Variants in GMDS observed in about 807,000 individuals in gnomAD.
GMDS encodes the protein GDP-mannose 4,6-dehydratase.
A neutral mutation model predicts 49.9 loss-of-function variants in GMDS; 20 were observed. The observed-to-expected ratio is 0.40, with a 90% CI of 0.28 to 0.58. GMDS has a LOEUF of 0.58. GMDS is among the 20% of genes least tolerant of loss of function. The pLI is 0.42. For missense variants in GMDS, 362 were observed against 481.4 expected, an observed-to-expected ratio of 0.75 and a Z score of 2.32; for synonymous variants, 177 against 178.6, an observed-to-expected ratio of 0.99 and a Z score of 0.07.
At chr6:1,628,826 T>C (rs867951348) in intron 9 of GMDS, among the ~76,000 whole-genome samples, 7 of 152,234 alleles carry the variant, frequency 4.6e-5, no homozygotes, top group African/African-American at 1.7e-4. Flanking sequence ...GAATTTAAGA[T>C]ACAGAGCTGT....
At chr6:1,928,648 T>G (rs141958025) in intron 7 of GMDS, among the ~76,000 whole-genome samples, 2 of 152,164 alleles carry the variant, frequency 1.3e-5, no homozygotes, top group African/African-American at 4.8e-5. Context: ...AAATGCTTCT[T>G]TGTAATTATA....
At chr6:2,057,109 A>C (rs1770824086) in intron 4 of GMDS, among the ~76,000 whole-genome samples, 1 of 152,216 alleles carries the variant, frequency 6.6e-6, no homozygotes, top group South Asian at 2.1e-4. Context: ...CACCTCGGTG[A>C]CAAACACTGA....
At chr6:2,104,978 C>T (rs562489686) in intron 4 of GMDS, among the ~76,000 whole-genome samples, 21 of 151,974 alleles carry the variant, frequency 1.4e-4, no homozygotes, top group East Asian at 3.9e-4. Context: ...GTCAGGAGAT[C>T]GAGACCATCC....
intron 4 of GMDS, among the ~76,000 whole-genome samples, chr6:2,050,867 TG>T (rs1445357803): frequency 6.6e-6 from 1 of 152,044 alleles, no homozygotes; most frequent in African/African-American, 2.4e-5. Context: ...TAGGTATTGA[TG>T]GAAAACACTG....
rs112011578 is a variant in GMDS, at chr6:2,120,496, T to C, written c.148-2940A>G. ...GGGACTAACCTTATATCCATTTCTTTTCTATGCTGATACTTCATGTCACAA... is the reference window on the plus strand; with the variant it reads ...GGGACTAACCTTATATCCATTTCTTCTCTATGCTGATACTTCATGTCACAA... On this transcript the variant is annotated intron_variant, in intron 2 of 10. Coordinates refer to ENST00000380815, the MANE Select transcript of GMDS (RefSeq NM_001500.4). 5.4e-3 allele frequency among the ~76,000 whole-genome samples: 830 copies of C among 152,324 alleles called. 4 individuals carry two copies. Among genetic ancestry groups the C allele is most frequent in the Non-Finnish European group, 8.5e-3 (578 of 68,028 alleles).
intron 1 of GMDS, among the ~76,000 whole-genome samples, chr6:2,135,334 T>C (rs1775939461): frequency 6.6e-6 from 1 of 152,162 alleles, no homozygotes; most frequent in South Asian, 2.1e-4. Flanking sequence ...ACTGTGTGTA[T>C]TTGTGTATCC....
intron 7 of GMDS, among the ~76,000 whole-genome samples, chr6:1,835,601 T>G (rs1188696759): frequency 6.6e-6 from 1 of 152,186 alleles, no homozygotes; most frequent in Non-Finnish European, 1.5e-5. Context: ...AAACCAACTA[T>G]TTTATAAGTT....
At chr6:2,183,581 C>A (rs1024092354) in intron 1 of GMDS, among the ~76,000 whole-genome samples, 14 of 152,148 alleles carry the variant, frequency 9.2e-5, no homozygotes, top group African/African-American at 3.4e-4. Context: ...ATTACATAAA[C>A]TTAGTTGATA....
In GMDS at chr6:2,098,414, G is replaced by C. The variant is rs187769025; in HGVS notation, c.345+17357C>G. Among the ~76,000 whole-genome samples, 61 of 152,248 alleles carry C rather than the reference G, an allele frequency of 4.0e-4. No individual in the cohort carries two copies. In the Middle Eastern group the frequency reaches 0.014, roughly 34 times the overall value. On this transcript the variant is annotated intron_variant, in intron 4 of 10. Transcript: ENST00000380815. ...TAAGGAAAATTTAGTAATAAAGAAAGTAATCTACTTGAAATATTTTTAGCT... is the reference window on the plus strand; with the variant it reads ...TAAGGAAAATTTAGTAATAAAGAAACTAATCTACTTGAAATATTTTTAGCT...
At chr6:2,144,444 C>T (rs973327181) in intron 1 of GMDS, among the ~76,000 whole-genome samples, 6 of 152,104 alleles carry the variant, frequency 3.9e-5, no homozygotes, top group Admixed American at 2.0e-4. Flanking sequence ...AAAAACAAGG[C>T]GGGGCAGGGT....
chr6:2,231,496 G>A lies in GMDS; in HGVS notation c.102+13825C>T, dbSNP rs568834512. ...GGAGGATGGCTTGAGCCCAGGAGGC[G>A]GAGGTTGCAGTGAGCTGAGATGGCT... On this transcript the variant is annotated intron_variant, in intron 1 of 10. Coordinates refer to ENST00000380815, the MANE Select transcript of GMDS (RefSeq NM_001500.4). Among the ~76,000 whole-genome samples, 61 of 152,274 alleles carry A rather than the reference G, an allele frequency of 4.0e-4. 1 individual carries two copies. Among genetic ancestry groups the A allele is most frequent in the African/African-American group, 1.1e-3 (44 of 41,552 alleles).
At chr6:1,995,599 C>A in intron 4 of GMDS, among the ~76,000 whole-genome samples, 1 of 152,310 alleles carries the variant, frequency 6.6e-6, no homozygotes, top group African/African-American at 2.4e-5. Flanking sequence ...GAGATAAACA[C>A]ATGAAGCATT....
chr6:2,212,862 A>G (rs1780137338), intron 1 of GMDS, among the ~76,000 whole-genome samples: 1 of 152,148 alleles, frequency 6.6e-6, no homozygotes, highest in Non-Finnish European at 1.5e-5. Context: ...AAAGGGCAGT[A>G]TTTTCTGAAT....
At chr6:1,728,155 C>T (rs1340427285) in intron 8 of GMDS, among the ~76,000 whole-genome samples, 1 of 152,170 alleles carries the variant, frequency 6.6e-6, no homozygotes, top group Non-Finnish European at 1.5e-5. Context: ...GACCCTCATA[C>T]ATCTCCTGTG....
chr6:1,888,429 G>T (rs1432307520), intron 7 of GMDS, among the ~76,000 whole-genome samples: 1 of 152,144 alleles, frequency 6.6e-6, no homozygotes, highest in African/African-American at 2.4e-5. Context: ...AAAACCATCA[G>T]ATCTCGTGAG....
chr6:1,642,836 C>T (rs1165046246), intron 9 of GMDS, among the ~76,000 whole-genome samples: 3 of 152,210 alleles, frequency 2.0e-5, no homozygotes, highest in Non-Finnish European at 4.4e-5. Context: ...CAGGATGGGC[C>T]TCGGATCTCT....
At chr6:1,837,426 T>C (rs551988935) in intron 7 of GMDS, among the ~76,000 whole-genome samples, 4 of 152,290 alleles carry the variant, frequency 2.6e-5, no homozygotes, top group African/African-American at 9.6e-5. Context: ...AGGATTTAGA[T>C]TCCATGACAA....
intron 9 of GMDS, among the ~76,000 whole-genome samples, chr6:1,720,277 T>C (rs1162101621): frequency 6.6e-6 from 1 of 152,126 alleles, no homozygotes; most frequent in Non-Finnish European, 1.5e-5. Context: ...AGGAATGTTA[T>C]ATGGCCCTTG....
chr6:2,176,021 C>A, intron 1 of GMDS: 1 of 1,531,784 alleles, frequency 6.5e-7, no homozygotes, highest in Non-Finnish European at 8.7e-7. Flanking sequence ...TGCCTCAGAG[C>A]ACAGATGCTT....
Sources: gnomAD v4.1 joint callset for allele counts (sites outside exome capture counted in the v4.1 genomes callset) on GRCh38, gnomAD v4.1.1 for gene constraint, MANE v1.5 for transcripts, NCBI Gene and HGNC (gene_info 2026-07-23, HGNC 2026-07-21) for gene names.